Variants in SGIP1 observed in about 807,000 individuals in gnomAD.
SGIP1 encodes SH3GL interacting endocytic adaptor 1, also known as SH3-containing GRB2-like protein 3-interacting protein 1.
In SGIP1, 38 loss-of-function variants were observed where a neutral mutation model predicts 107.5. That is an observed-to-expected ratio of 0.35 (90% confidence interval 0.27 to 0.46). The LOEUF (loss-of-function observed/expected upper bound fraction) is 0.46. Among genes scored for constraint, SGIP1 ranks in the 20% least tolerant of loss-of-function variants. The probability of loss-of-function intolerance (pLI) is 1.00; values close to 1 mark genes in which losing one functional copy is unlikely to be tolerated. For synonymous variants in SGIP1, 365 were observed against 366.1 expected, an observed-to-expected ratio of 1.00 and a Z score of 0.03; for missense variants, 929 against 1,019.5, an observed-to-expected ratio of 0.91 and a Z score of 1.21.
chr1:66,638,040 A>C (rs1161026023), intron 4 of SGIP1, among the ~76,000 whole-genome samples: 1 of 151,996 alleles, frequency 6.6e-6, no homozygotes, highest in Admixed American at 6.6e-5. Context: ...CCTAGATCAC[A>C]AAATTCATGA....
rs772465398 is a variant in SGIP1, at chr1:66,671,996, G to A, written c.560+1G>A. 1 of 1,613,884 alleles carries A rather than the reference G, an allele frequency of 6.2e-7. No homozygotes were observed. Among genetic ancestry groups the A allele is most frequent in the African/African-American group, 1.3e-5 (1 of 75,046 alleles). ...CCACACCAACTCCAGAACTTATAAG[G>A]TGAGTGTGAAAGACATTAGTTGTGT... is the stretch of plus-strand genomic sequence containing the variant. On this transcript the variant is annotated splice_donor_variant, in intron 11 of 24. Coordinates refer to ENST00000371037, the MANE Select transcript of SGIP1 (RefSeq NM_032291.4). LOFTEE classifies it high-confidence loss of function.
Position 66,639,815 on chromosome 1 carries a change from A to G in SGIP1, c.210A>G (p.Glu70=), listed in dbSNP as rs755818247. 2 of 1,612,072 alleles carry G rather than the reference A, an allele frequency of 1.2e-6. No homozygotes were observed. The highest frequency in any genetic ancestry group is 1.7e-5 in the Admixed American group (1 of 59,792). ...SNGAPNGFYA[E]IDWERYNSPE... ...GGGCACCAAATGGATTTTATGCGGA[A>G]ATTGATTGGGAAAGATATGTGAGTA... Residue 70 remains glutamate (E), a synonymous_variant, in exon 5 of 25, where the codon GAA becomes GAG. Transcript: ENST00000371037.
intron 1 of SGIP1, among the ~76,000 whole-genome samples, chr1:66,548,908 C>T (rs6697068): frequency 0.17 from 25,186 of 152,142 alleles, 2,386 homozygotes; most frequent in East Asian, 0.37. Context: ...GCATTTTTAC[C>T]CAAGATGAAA....
chr1:66,732,473 C>T (rs866193250), intron 20 of SGIP1, among the ~76,000 whole-genome samples: 1 of 152,166 alleles, frequency 6.6e-6, no homozygotes, highest in Non-Finnish European at 1.5e-5. Context: ...TTTCCACCCC[C>T]TTCCTCCATT....
Position 66,703,878 on chromosome 1 carries a change from G to GTA in SGIP1, c.1630+8386_1630+8387insAT, listed in dbSNP as rs1201986378. On this transcript the variant is annotated intron_variant, in intron 18 of 24. Coordinates refer to ENST00000371037, the MANE Select transcript of SGIP1 (RefSeq NM_032291.4). ...TATATAAAGAGAAAAAGAACTCTGT[G>GTA]TGTGTGTGTGTGTGTGTGTATGCGT... 1.1e-4 allele frequency among the ~76,000 whole-genome samples: 16 copies of GTA among 151,820 alleles called. No homozygotes were observed. In the East Asian group the frequency reaches 1.2e-3, roughly 11 times the overall value.
At chr1:66,557,795 G>T (rs2148390800) in intron 1 of SGIP1, among the ~76,000 whole-genome samples, 1 of 152,236 alleles carries the variant, frequency 6.6e-6, no homozygotes, top group African/African-American at 2.4e-5. Context: ...TATGAATTGT[G>T]CCACACCTGA....
intron 7 of SGIP1, among the ~76,000 whole-genome samples, chr1:66,655,629 A>G (rs534283767): frequency 2.6e-5 from 4 of 152,358 alleles, no homozygotes; most frequent in African/African-American, 9.6e-5. Context: ...CTTAGGCTAC[A>G]AATATGTATA....
In SGIP1 at chr1:66,746,985, G is replaced by A. The variant is rs1005864349; in HGVS notation, c.*3890G>A. 1.3e-5 allele frequency: 2 copies of A among 152,104 alleles called. No homozygotes were observed. Among genetic ancestry groups the A allele is most frequent in the Non-Finnish European group, 2.9e-5 (2 of 67,948 alleles). The allele number at this position is 152,104 out of a possible 1,614,324, so 9.4% of individuals were successfully genotyped here. A position where few individuals can be genotyped will look rare whatever the true frequency, so the allele number is the denominator to read the frequency against. Reference sequence around the variant, plus strand: ...GGCTTGGTCACCACTATGCCTGGAAGATAGTAGGCACTGATAAACATTGTT... The same window carrying A: ...GGCTTGGTCACCACTATGCCTGGAAAATAGTAGGCACTGATAAACATTGTT... On this transcript the variant is annotated 3_prime_UTR_variant, in exon 25 of 25. Coordinates refer to ENST00000371037, the MANE Select transcript of SGIP1 (RefSeq NM_032291.4).
chr1:66,680,693 TACTAGC>T (rs1260150409), intron 14 of SGIP1, among the ~76,000 whole-genome samples: 1 of 152,232 alleles, frequency 6.6e-6, no homozygotes, highest in Non-Finnish European at 1.5e-5. Flanking sequence ...TAAATATACC[TACTAGC>T]ACAAGATTAT....
intron 1 of SGIP1, among the ~76,000 whole-genome samples, chr1:66,623,970 ACT>A (rs2071933577): frequency 6.6e-6 from 1 of 152,170 alleles, no homozygotes; most frequent in Admixed American, 6.5e-5. Context: ...TCTGTGGAAA[ACT>A]ACTATTTCCT....
At chr1:66,712,138 G>A (rs1312830529) in intron 18 of SGIP1, among the ~76,000 whole-genome samples, 2 of 152,140 alleles carry the variant, frequency 1.3e-5, no homozygotes. Context: ...TGAGATGGTG[G>A]TGCAAATTAA....
At position 66,733,971 on chromosome 1, in the gene SGIP1, C is replaced by T. The variant is rs2094126751; in HGVS notation, c.2031+91C>T. 5 of 1,349,208 alleles carry T rather than the reference C, an allele frequency of 3.7e-6. No individual in the cohort carries two copies. The South Asian group carries it at 5.5e-5, about 15-fold the overall frequency. The allele number at this position is 1,349,208 out of a possible 1,614,324, so 83.6% of individuals were successfully genotyped here. ...TTGAATAAAAGTAACTAAAGTAACA[C>T]TTCTTTTAACAGTATTTAAAAGCTA... On this transcript the variant is annotated intron_variant, in intron 21 of 24. Coordinates refer to ENST00000371037, the MANE Select transcript of SGIP1 (RefSeq NM_032291.4).
At chr1:66,663,099 C>T (rs1186264964) in intron 8 of SGIP1, among the ~76,000 whole-genome samples, 1 of 152,092 alleles carries the variant, frequency 6.6e-6, no homozygotes, top group African/African-American at 2.4e-5. Flanking sequence ...CTCATCATCT[C>T]TCTGAAGACC....
chr1:66,554,390 T>C (rs549492367), intron 1 of SGIP1, among the ~76,000 whole-genome samples: 1 of 152,274 alleles, frequency 6.6e-6, no homozygotes, highest in Admixed American at 6.5e-5. Flanking sequence ...CAATTTTGAG[T>C]CTGCCTATAT....
intron 1 of SGIP1, among the ~76,000 whole-genome samples, chr1:66,613,014 A>G (rs1021458060): frequency 6.6e-6 from 1 of 152,232 alleles, no homozygotes; most frequent in Non-Finnish European, 1.5e-5. Flanking sequence ...GAGAGTTTGC[A>G]TTTCATAACT....
chr1:66,538,994 T>C (rs2054259771), intron 1 of SGIP1, among the ~76,000 whole-genome samples: 1 of 152,218 alleles, frequency 6.6e-6, no homozygotes, highest in Non-Finnish European at 1.5e-5. Flanking sequence ...TTATGTTCAA[T>C]TTTACCCTCA....
intron 1 of SGIP1, among the ~76,000 whole-genome samples, chr1:66,575,678 G>A (rs779438381): frequency 6.6e-6 from 1 of 152,030 alleles, no homozygotes; most frequent in Non-Finnish European, 1.5e-5. Flanking sequence ...TACTTCTAAC[G>A]CTGTATACCC....
chr1:66,684,046 T>G, intron 15 of SGIP1: 2 of 1,544,606 alleles, frequency 1.3e-6, no homozygotes, highest in Non-Finnish European at 1.7e-6. Flanking sequence ...AAATGCTTTT[T>G]GTACATTATT....
At chr1:66,606,506 C>T (rs955722799) in intron 1 of SGIP1, among the ~76,000 whole-genome samples, 7 of 152,122 alleles carry the variant, frequency 4.6e-5, no homozygotes, top group East Asian at 1.9e-4. Flanking sequence ...ATGACTAGAC[C>T]AGCCAGAGGA....
Sources: allele counts gnomAD v4.1 joint callset (sites outside exome capture counted in the v4.1 genomes callset), GRCh38; gene constraint gnomAD v4.1.1; transcripts MANE v1.5; gene names NCBI Gene and HGNC (gene_info 2026-07-23, HGNC 2026-07-21).